Variants in ABCC5 observed in about 807,000 individuals in gnomAD.
ABCC5 encodes the protein ATP binding cassette subfamily C member 5, also known as ATP-binding cassette sub-family C member 5.
In ABCC5, 61 loss-of-function variants were observed where a neutral mutation model predicts 160.9. The observed-to-expected ratio is 0.38, with a 90% CI of 0.31 to 0.47. ABCC5 has a LOEUF of 0.47. Ranked by LOEUF, ABCC5 falls within the 20% of genes least tolerant of loss-of-function variation. The probability of loss-of-function intolerance (pLI) is 0.99; values close to 1 mark genes in which losing one functional copy is unlikely to be tolerated. For missense variants in ABCC5, 1,308 were observed against 1,813.3 expected (o/e 0.72, Z 5.06); for synonymous variants, 666 against 700.6 (o/e 0.95, Z 0.78).
At chr3:183,961,751 A>T in intron 15 of ABCC5, 97 bp from the exon 16 acceptor site, 1 of 1,415,530 alleles carries the variant, frequency 7.1e-7, no homozygotes, top group Non-Finnish European at 9.6e-7. Flanking sequence ...GAGACGAGTT[A>T]AGCTCCCAGA....
In ABCC5 at chr3:183,987,595, T is replaced by G. The variant is rs1182090390; in HGVS notation, c.591+175A>C. 3 of 826,500 alleles carry G rather than the reference T, an allele frequency of 3.6e-6. No individual in the cohort carries two copies. Among genetic ancestry groups the G allele is most frequent in the Non-Finnish European group, 5.9e-6 (3 of 509,248 alleles). 51.2% of individuals were successfully genotyped at this position (826,500 alleles called of 1,614,324 possible). On this transcript the variant is annotated intron_variant, in intron 5 of 29. Transcript: ENST00000334444. This position sits in a 1 kb window ranked among gnomAD's most constrained non-coding sequence, Gnocchi z 4.2. The stretch of plus-strand genomic sequence containing the variant: ...CATTTCTTCTCTGGCAACACTGCCC[T>G]TTCATCCTTCCAGCTGTTGCCAAAA...
intron 16 of ABCC5, among the ~76,000 whole-genome samples, chr3:183,960,718 A>ATATT (rs1431174576): frequency 6.6e-6 from 1 of 152,142 alleles, no homozygotes; most frequent in African/African-American, 2.4e-5. Flanking sequence ...GGGACTCAAT[A>ATATT]AACAGCCATC....
At position 183,953,206 on chromosome 3, in the gene ABCC5, G is replaced by A. The variant is rs1715548391; in HGVS notation, c.2547C>T (p.Tyr849=). 3 of 1,614,186 alleles carry A rather than the reference G, an allele frequency of 1.9e-6. No homozygotes were observed. Among genetic ancestry groups the A allele is most frequent in the Non-Finnish European group, 2.5e-6 (3 of 1,180,026 alleles). The change falls in exon 18 of 30, where the codon TAC becomes TAT. Residue 849 remains tyrosine (Y), a synonymous_variant. Coordinates refer to ENST00000334444, the MANE Select transcript of ABCC5 (RefSeq NM_005688.4). ...CCAAGGGGCCCCCAGCAGCCTGGAT[G>A]TAGACACCATATACTGACCAGGGCA... ...GSVPWSVYGV[Y]IQAAGGPLAF...
chr3:183,983,813 ATC>A, intron 5 of ABCC5: 1 of 985,546 alleles, frequency 1.0e-6, no homozygotes, highest in Non-Finnish European at 1.2e-6. Context: ...TTCAAAGAGC[ATC>A]TCACAAACAC....
intron 25 of ABCC5, among the ~76,000 whole-genome samples, chr3:183,941,066 G>A (rs1157005261): frequency 1.3e-5 from 2 of 152,130 alleles, no homozygotes; most frequent in African/African-American, 4.8e-5. Context: ...CACCATGTTG[G>A]CCAGGCTGGT....
intron 17 of ABCC5, among the ~76,000 whole-genome samples, chr3:183,953,588 A>G (rs980048098): frequency 9.9e-5 from 15 of 152,184 alleles, no homozygotes; most frequent in South Asian, 4.1e-4. Context: ...AATGTGCTCA[A>G]TGTGATGATA....
Position 183,971,654 on chromosome 3 carries a change from G to C in ABCC5, c.1670C>G (p.Pro557Arg), listed in dbSNP as rs1717758841. Residue 557 changes from proline (P) to arginine (R), a missense_variant, in exon 11 of 30, where the codon CCC (proline) becomes CGC (arginine). Around this residue, in one of 3 missense-constraint regions of ABCC5, gnomAD observed 1,142 missense variants for 1,527.1 expected, o/e 0.75. Transcript: ENST00000334444. ...GHLLLDSDER[P>R]SPEEEEGKHI... ...CTTGCCTTCTTCCTCTTCGGGACTG[G>C]GCCGCTCGTCACTGTCCAGGAGGAG... is the stretch of plus-strand genomic sequence containing the variant. 3.7e-6 allele frequency: 6 copies of C among 1,614,054 alleles called. No individual in the cohort carries two copies. In the African/African-American group the frequency reaches 4.0e-5, roughly 11 times the overall value.
At position 183,951,326 on chromosome 3, in the gene ABCC5, G is replaced by T; in HGVS notation, c.2944+115C>A. ...AATGTTCCTGGTGAAAACACCAGCAGTCACTGTGCTCTCAGGATCTACAGA... is the reference window on the plus strand; with the variant it reads ...AATGTTCCTGGTGAAAACACCAGCATTCACTGTGCTCTCAGGATCTACAGA... On this transcript the variant is annotated intron_variant, in intron 20 of 29. Transcript: ENST00000334444. This position sits in a 1 kb window ranked among gnomAD's most constrained non-coding sequence, Gnocchi z 4.7. 7.3e-7 allele frequency: 1 copy of T among 1,372,460 alleles called. No homozygotes were observed. Among genetic ancestry groups the T allele is most frequent in the Non-Finnish European group, 9.9e-7 (1 of 1,014,774 alleles). 85.0% of individuals were successfully genotyped at this position (1,372,460 alleles called of 1,614,324 possible). A position where few individuals can be genotyped will look rare whatever the true frequency, so the allele number is the denominator to read the frequency against.
intron 2 of ABCC5, among the ~76,000 whole-genome samples, chr3:184,004,736 A>T (rs763263428): frequency 9.2e-5 from 14 of 152,148 alleles, no homozygotes; most frequent in Non-Finnish European, 1.3e-4. Flanking sequence ...ATTTAAGAAA[A>T]CTAAGTGACT....
chr3:183,973,289 G>A (rs1294839520), intron 10 of ABCC5, among the ~76,000 whole-genome samples: 2 of 151,646 alleles, frequency 1.3e-5, no homozygotes, highest in Non-Finnish European at 2.9e-5. Flanking sequence ...TCCTGACCTC[G>A]TGATCCACCC....
chr3:183,960,985 C>G (rs1448689896), intron 16 of ABCC5, among the ~76,000 whole-genome samples: 1 of 147,202 alleles, frequency 6.8e-6, no homozygotes, highest in African/African-American at 2.4e-5. Flanking sequence ...CGGGGTTTCT[C>G]TCTATGTTGC....
At chr3:184,005,904 T>TA (rs1721156404) in intron 2 of ABCC5, among the ~76,000 whole-genome samples, 1 of 100,814 alleles carries the variant, frequency 9.9e-6, no homozygotes, top group African/African-American at 5.0e-5. Flanking sequence ...AAGATTTAGG[T>TA]ACTTAAAAAA....
chr3:183,933,711 G>A (rs1012539727), intron 26 of ABCC5, among the ~76,000 whole-genome samples: 3 of 152,148 alleles, frequency 2.0e-5, no homozygotes, highest in Non-Finnish European at 2.9e-5. Flanking sequence ...AAATTATCTG[G>A]CCTATGATTT....
chr3:183,979,298 T>C (rs944702081), intron 8 of ABCC5, among the ~76,000 whole-genome samples: 2 of 149,984 alleles, frequency 1.3e-5, no homozygotes, highest in African/African-American at 4.9e-5. Flanking sequence ...TGCACCGAGA[T>C]TGCACCGCTG....
In ABCC5 at chr3:183,953,268, G is replaced by T. The variant is rs1560000498; in HGVS notation, c.2485C>A (p.Gln829Lys). ...KEKAVKPEEG[Q>K]LVQLEEKGQG... The stretch of plus-strand genomic sequence containing the variant: ...CCTTTCTCTTCCAGCTGCACAAGCT[G>T]CCCTAGGTAAGAAAAAAAGAAACAT... The change falls in exon 18 of 30, where the codon CAG (glutamine) becomes AAG (lysine). Residue 829 changes from glutamine (Q) to lysine (K), a missense_variant and splice_region_variant. Around this residue, in one of 3 missense-constraint regions of ABCC5, gnomAD observed 1,142 missense variants for 1,527.1 expected, o/e 0.75. Transcript: ENST00000334444. 11 of 1,591,152 alleles carry T rather than the reference G, an allele frequency of 6.9e-6. No homozygotes were observed. The highest frequency in any genetic ancestry group is 6.8e-6 in the Non-Finnish European group (8 of 1,170,240).
Position 183,949,073 on chromosome 3 carries a change from T to C in ABCC5, c.3227+680A>G, listed in dbSNP as rs961395979. Among the ~76,000 whole-genome samples the C allele has an allele frequency of 3.3e-5, 5 of 152,218 alleles. No homozygotes were observed. Among genetic ancestry groups the C allele is most frequent in the African/African-American group, 1.2e-4 (5 of 41,452 alleles). On this transcript the variant is annotated intron_variant, in intron 22 of 29. Coordinates refer to ENST00000334444, the MANE Select transcript of ABCC5 (RefSeq NM_005688.4). This position sits in a 1 kb window ranked among gnomAD's most constrained non-coding sequence, Gnocchi z 4.2. ...CATACAATATATTAATACACACATC[T>C]GTACTCTGCTGTTTCACTAATATAT...
intron 2 of ABCC5, 150 bp downstream of exon 2, chr3:184,014,114 C>T: frequency 9.2e-6 from 5 of 542,826 alleles, no homozygotes; most frequent in Non-Finnish European, 1.6e-5. Flanking sequence ...CTCAGATGAT[C>T]CACCCGCCTC....
intron 2 of ABCC5, among the ~76,000 whole-genome samples, chr3:183,991,909 C>T (rs542863174): frequency 6.8e-4 from 104 of 152,264 alleles, no homozygotes; most frequent in Non-Finnish European, 1.4e-3. Flanking sequence ...TACAAGCACA[C>T]CTACTTTAAG....
chr3:183,985,044 C>T, intron 5 of ABCC5: 1 of 718,600 alleles, frequency 1.4e-6, no homozygotes, highest in Non-Finnish European at 2.3e-6. Context: ...CTATGCGAAA[C>T]TTTCAAAGGG....
Sources: allele counts gnomAD v4.1 joint callset (sites outside exome capture counted in the v4.1 genomes callset), GRCh38; gene constraint gnomAD v4.1.1; regional missense constraint gnomAD v4.1.1; non-coding constraint Gnocchi (gnomAD v3.1); transcripts MANE v1.5; gene names NCBI Gene and HGNC (gene_info 2026-07-23, HGNC 2026-07-21).